OR2M4: variants seen among roughly 807,000 people sequenced by gnomAD.
The protein encoded by OR2M4 is olfactory receptor 2M4.
In OR2M4, 8 loss-of-function variants were observed where a neutral mutation model predicts 13.7. That is an observed-to-expected ratio of 0.58 (90% CI 0.34 to 1.05). The LOEUF (loss-of-function observed/expected upper bound fraction) is 1.05. Among genes scored for constraint, OR2M4 ranks in the 50% least tolerant of loss-of-function variants. The pLI is 0.02. For missense variants in OR2M4, 374 were observed against 381.6 expected, an observed-to-expected ratio of 0.98 and a Z score of 0.17; for synonymous variants, 152 against 141.3, an observed-to-expected ratio of 1.08 and a Z score of -0.53.
intron 1 of OR2M4, among the ~76,000 whole-genome samples, chr1:248,237,487 C>G (rs4354568): frequency 0.034 from 5,095 of 152,058 alleles, 234 homozygotes; most frequent in African/African-American, 0.11. Context: ...AACCCTATCT[C>G]TACTAAAATA....
chr1:248,233,832 C>T lies in OR2M4; in HGVS notation c.-20+2252C>T, dbSNP rs77148717. 3.9e-3 allele frequency among the ~76,000 whole-genome samples: 587 copies of T among 151,520 alleles called. 2 individuals are homozygous for T. The highest frequency in any genetic ancestry group is 0.013 in the African/African-American group (554 of 41,238). On this transcript the variant is annotated intron_variant, in intron 1 of 1. Coordinates refer to ENST00000641868, the MANE Select transcript of OR2M4 (RefSeq NM_017504.2). ...TTTGGGACTCCAGGGTACTGTTTTA[C>T]AATATGATGTTTTAGAGCCATGTTT...
chr1:248,238,883 A>G (rs772056177), intron 1 of OR2M4, 27 bp from the exon 2 acceptor site: 1 of 1,388,188 alleles, frequency 7.2e-7, no homozygotes, highest in Non-Finnish European at 9.9e-7. Context: ...TTGATAAATA[A>G]GCTTGTACCT....
rs1482182729 is a variant in OR2M4, at chr1:248,243,752, AACAG to A, written c.*3892_*3895del. ...AGCAACAGAAATTATCAGCAGAGTA[AACAG>A]ACAATCTACAGAATGGGAGAAGATA... is the stretch of plus-strand genomic sequence containing the variant. On this transcript the variant is annotated 3_prime_UTR_variant, in exon 2 of 2. Coordinates refer to ENST00000641868, the MANE Select transcript of OR2M4 (RefSeq NM_017504.2). The A allele has an allele frequency of 6.6e-6, 1 of 152,202 alleles. No individual in the cohort carries two copies. The highest frequency in any genetic ancestry group is 1.5e-5 in the Non-Finnish European group (1 of 68,032). 9.4% of individuals were successfully genotyped at this position (152,202 alleles called of 1,614,324 possible). A position where few individuals can be genotyped will look rare whatever the true frequency, so the allele number is the denominator to read the frequency against.
rs928876717 is a variant in OR2M4 at position 248,243,807 on chromosome 1, G to T, written c.*3943G>T. The T allele has an allele frequency of 6.6e-6, 1 of 152,078 alleles. No individual in the cohort carries two copies. Among genetic ancestry groups the T allele is most frequent in the African/African-American group, 2.4e-5 (1 of 41,388 alleles). 9.4% of individuals were successfully genotyped at this position (152,078 alleles called of 1,614,324 possible). ...TTAGCAAAATGTGCATCCAACAAAG[G>T]TCTAACATCCAGATTCTATACGGAA... On this transcript the variant is annotated 3_prime_UTR_variant, in exon 2 of 2. Transcript: ENST00000641868.
intron 1 of OR2M4, among the ~76,000 whole-genome samples, chr1:248,235,794 C>T (rs1269534961): frequency 6.6e-6 from 1 of 152,054 alleles, no homozygotes; most frequent in East Asian, 1.9e-4. Context: ...TGAGTTGGCT[C>T]TCTGCTTGTC....
At position 248,239,793 on chromosome 1, in the gene OR2M4, A is replaced by G. The variant is rs563712087; in HGVS notation, c.865A>G (p.Ile289Val). The change falls in exon 2 of 2, where the codon ATT (isoleucine) becomes GTT (valine). Residue 289 changes from isoleucine to valine, a missense_variant. Coordinates refer to ENST00000641868, the MANE Select transcript of OR2M4 (RefSeq NM_017504.2). Reference sequence around the variant, plus strand: ...TCTCACCCCTATGCTGAACCCTCTCATTTATAGCCTCCGCAACAAAGAAGT... The same window carrying G: ...TCTCACCCCTATGCTGAACCCTCTCGTTTATAGCCTCCGCAACAAAGAAGT... ...TILTPMLNPL[I>V]YSLRNKEVFR... is the part of the protein sequence containing the mutation. The G allele has an allele frequency of 2.5e-6, 4 of 1,614,066 alleles. No homozygotes were observed. Among genetic ancestry groups the G allele is most frequent in the Admixed American group, 1.7e-5 (1 of 60,000 alleles).
At chr1:248,238,239 T>G (rs1460634207) in intron 1 of OR2M4, among the ~76,000 whole-genome samples, 1 of 151,946 alleles carries the variant, frequency 6.6e-6, no homozygotes, top group Non-Finnish European at 1.5e-5. Flanking sequence ...AGGAAAAAAA[T>G]TATCCTCAGA....
intron 1 of OR2M4, among the ~76,000 whole-genome samples, chr1:248,235,593 T>A (rs755176592): frequency 2.0e-5 from 3 of 152,170 alleles, no homozygotes; most frequent in Non-Finnish European, 4.4e-5. Flanking sequence ...CATTGAGCAG[T>A]ATAGCCATTT....
Position 248,240,956 on chromosome 1 carries a change from A to T in OR2M4, c.*1092A>T, listed in dbSNP as rs1242114139. 1.3e-5 allele frequency: 2 copies of T among 152,218 alleles called. No homozygotes were observed. The highest frequency in any genetic ancestry group is 2.9e-5 in the Non-Finnish European group (2 of 68,068). 9.4% of individuals were successfully genotyped at this position (152,218 alleles called of 1,614,324 possible). A position where few individuals can be genotyped will look rare whatever the true frequency, so the allele number is the denominator to read the frequency against. ...TTTAAACCAGCCCTTGTCAGAGGGG[A>T]ATTACTGATCCCAGTGGTCAAAACT... On this transcript the variant is annotated 3_prime_UTR_variant, in exon 2 of 2. Transcript: ENST00000641868.
chr1:248,242,390 G>C lies in OR2M4; in HGVS notation c.*2526G>C, dbSNP rs927230223. ...TTCTCCTGCCTCAGCCTCCCGAGTA[G>C]CCAGGACTACAGGCGCATGCTACCA... On this transcript the variant is annotated 3_prime_UTR_variant, in exon 2 of 2. Coordinates refer to ENST00000641868, the MANE Select transcript of OR2M4 (RefSeq NM_017504.2). 5.3e-5 allele frequency: 8 copies of C among 152,298 alleles called. No homozygotes were observed. Among genetic ancestry groups the C allele is most frequent in the African/African-American group, 1.9e-4 (8 of 41,510 alleles). 9.4% of individuals were successfully genotyped at this position (152,298 alleles called of 1,614,324 possible).
chr1:248,244,464 CACTTATACATAGGAGCTAA>C lies in OR2M4; in HGVS notation c.*4605_*4623del, dbSNP rs1258989047. Reference sequence around the variant, plus strand: ...CAAAAAACCAAATACTGCATGTTCTCACTTATACATAGGAGCTAAACTTTGGGTACTCAAGGATGTAAAG... The same window carrying C: ...CAAAAAACCAAATACTGCATGTTCTCACTTTGGGTACTCAAGGATGTAAAG... On this transcript the variant is annotated 3_prime_UTR_variant, in exon 2 of 2. Coordinates refer to ENST00000641868, the MANE Select transcript of OR2M4 (RefSeq NM_017504.2). 1.3e-5 allele frequency: 2 copies of C among 152,114 alleles called. No homozygotes were observed. Among genetic ancestry groups the C allele is most frequent in the African/African-American group, 4.8e-5 (2 of 41,400 alleles). The allele number at this position is 152,114 out of a possible 1,614,324, so 9.4% of individuals were successfully genotyped here.
chr1:248,234,652 G>T (rs1018899865), intron 1 of OR2M4, among the ~76,000 whole-genome samples: 2 of 151,902 alleles, frequency 1.3e-5, no homozygotes, highest in African/African-American at 4.8e-5. Flanking sequence ...AGGACATGAT[G>T]TCCTTCCTTT....
In OR2M4 at chr1:248,243,463, T is replaced by G. The variant is rs1474120693; in HGVS notation, c.*3599T>G. On this transcript the variant is annotated 3_prime_UTR_variant, in exon 2 of 2. Coordinates refer to ENST00000641868, the MANE Select transcript of OR2M4 (RefSeq NM_017504.2). ...CCTTGGAGGAGGCCCCTCCAATTACTAGCACTTCGCCTGCATTTCTTTTAT... is the reference window on the plus strand; with the variant it reads ...CCTTGGAGGAGGCCCCTCCAATTACGAGCACTTCGCCTGCATTTCTTTTAT... 6.6e-6 allele frequency: 1 copy of G among 152,214 alleles called. No homozygotes were observed. The allele number at this position is 152,214 out of a possible 1,614,324, so 9.4% of individuals were successfully genotyped here.
rs1489652889 is a variant in OR2M4 at position 248,240,540 on chromosome 1, A to G, written c.*676A>G. ...TGTATCATGTCTGCTTTTATTCCTT[A>G]TAATCCTTATATTAACCATCAGAAT... On this transcript the variant is annotated 3_prime_UTR_variant, in exon 2 of 2. Transcript: ENST00000641868. 1 of 152,168 alleles carries G rather than the reference A, an allele frequency of 6.6e-6. No homozygotes were observed. The highest frequency in any genetic ancestry group is 6.5e-5 in the Admixed American group (1 of 15,274). The allele number at this position is 152,168 out of a possible 1,614,324, so 9.4% of individuals were successfully genotyped here.
In OR2M4 at chr1:248,242,844, A is replaced by G. The variant is rs1220399670; in HGVS notation, c.*2980A>G. The G allele has an allele frequency of 4.6e-5, 7 of 152,226 alleles. No homozygotes were observed. The highest frequency in any genetic ancestry group is 8.8e-5 in the Non-Finnish European group (6 of 68,034). 9.4% of individuals were successfully genotyped at this position (152,226 alleles called of 1,614,324 possible). A position where few individuals can be genotyped will look rare whatever the true frequency, so the allele number is the denominator to read the frequency against. On this transcript the variant is annotated 3_prime_UTR_variant, in exon 2 of 2. Coordinates refer to ENST00000641868, the MANE Select transcript of OR2M4 (RefSeq NM_017504.2). ...TTTGATTTTACACATAATATGCAGA[A>G]AAAAGTAATTTTAATATGCAATTAT...
At position 248,240,712 on chromosome 1, in the gene OR2M4, A is replaced by T. The variant is rs963517676; in HGVS notation, c.*848A>T. 2.0e-5 allele frequency: 3 copies of T among 152,222 alleles called. No individual in the cohort carries two copies. The highest frequency in any genetic ancestry group is 1.9e-4 in the East Asian group (1 of 5,188). The allele number at this position is 152,222 out of a possible 1,614,324, so 9.4% of individuals were successfully genotyped here. A position where few individuals can be genotyped will look rare whatever the true frequency, so the allele number is the denominator to read the frequency against. Reference sequence around the variant, plus strand: ...CTTCGTAGTACCTGGTTTTAACTTTATATCACTGAAGAGGCAGTGAAGAGG... The same window carrying T: ...CTTCGTAGTACCTGGTTTTAACTTTTTATCACTGAAGAGGCAGTGAAGAGG... On this transcript the variant is annotated 3_prime_UTR_variant, in exon 2 of 2. Coordinates refer to ENST00000641868, the MANE Select transcript of OR2M4 (RefSeq NM_017504.2).
At position 248,239,859 on chromosome 1, in the gene OR2M4, A is replaced by G; in HGVS notation, c.931A>G (p.Ile311Val). Residue 311 changes from isoleucine (I) to valine (V), a missense_variant, in exon 2 of 2, where the codon ATA (isoleucine) becomes GTA (valine). Coordinates refer to ENST00000641868, the MANE Select transcript of OR2M4 (RefSeq NM_017504.2). The stretch of plus-strand genomic sequence containing the variant: ...GAAGGTACTGAAGAAAAGAAAGTTA[A>G]TATGACCTTATCAAAATCTTTTTGA... Reference protein sequence around the residue: ...LQKVLKKRKLI With the variant: ...LQKVLKKRKLV 8 of 1,576,254 alleles carry G rather than the reference A, an allele frequency of 5.1e-6. No individual in the cohort carries two copies. Among genetic ancestry groups the G allele is most frequent in the Non-Finnish European group, 6.9e-6 (8 of 1,163,074 alleles).
rs757726052 is a variant in OR2M4, at chr1:248,239,827, C to A, written c.899C>A (p.Ala300Glu). 2 of 1,612,552 alleles carry A rather than the reference C, an allele frequency of 1.2e-6. No homozygotes were observed. The highest frequency in any genetic ancestry group is 3.4e-5 in the Admixed American group (2 of 59,646). Residue 300 changes from alanine to glutamate, a missense_variant, in exon 2 of 2, where the codon GCA becomes GAA. Physicochemically the swap from Ala to Glu is moderately radical, Grantham distance 107 (BLOSUM62 -1). Transcript: ENST00000641868. ...CTCCGCAACAAAGAAGTGTTCAGGG[C>A]ACTACAGAAGGTACTGAAGAAAAGA... ...YSLRNKEVFR[A>E]LQKVLKKRKL...
chr1:248,235,842 G>A (rs1054278824), intron 1 of OR2M4, among the ~76,000 whole-genome samples: 6 of 151,982 alleles, frequency 3.9e-5, no homozygotes, highest in African/African-American at 7.3e-5. Flanking sequence ...ATTTTTGGAC[G>A]TTGATTTTGT....
Sources: allele counts gnomAD v4.1 joint callset (sites outside exome capture counted in the v4.1 genomes callset), GRCh38; gene constraint gnomAD v4.1.1; transcripts MANE v1.5; gene names NCBI Gene and HGNC (gene_info 2026-07-23, HGNC 2026-07-21).